Variants in ITPR1 observed in about 807,000 individuals in gnomAD.
ITPR1 encodes the protein inositol 1,4,5-trisphosphate receptor type 1.
Under a neutral mutation model 318.4 loss-of-function variants are expected in ITPR1, and 96 were observed. That is an observed-to-expected ratio of 0.30 (90% CI 0.26 to 0.36). The LOEUF (loss-of-function observed/expected upper bound fraction) is 0.36. Ranked by LOEUF, ITPR1 falls within the 10% of genes least tolerant of loss-of-function variation. ITPR1 has a pLI of 1.00. For missense variants in ITPR1, 2,440 were observed against 3,460.2 expected (o/e 0.71, Z 7.40); for synonymous variants, 1,312 against 1,289.9 (o/e 1.02, Z -0.37).
At chr3:4,749,255 T>C (rs907298646) in intron 44 of ITPR1, 7 of 152,242 alleles carry the variant, frequency 4.6e-5, no homozygotes, top group African/African-American at 1.7e-4. Flanking sequence ...AAATAGCTAA[T>C]ACATGGCACC....
intron 54 of ITPR1, among the ~76,000 whole-genome samples, chr3:4,802,698 G>A (rs1448796554): frequency 6.6e-6 from 1 of 152,040 alleles, no homozygotes; most frequent in Non-Finnish European, 1.5e-5. Context: ...GCATAGTAAT[G>A]CATGCTTGTA....
intron 60 of ITPR1, among the ~76,000 whole-genome samples, chr3:4,833,940 G>T (rs368612364): frequency 6.6e-6 from 1 of 152,202 alleles, no homozygotes; most frequent in Non-Finnish European, 1.5e-5. Flanking sequence ...CACCCAGGCT[G>T]TAGTGCGGTG....
chr3:4,675,207 G>T lies in ITPR1; in HGVS notation c.2738G>T (p.Gly913Val). The change falls in exon 23 of 62, where the codon GGA becomes GTA. Residue 913 changes from glycine to valine, a missense_variant. By Grantham distance (109) the Gly-to-Val change is moderately radical. Transcript: ENST00000649015. ...TIFPISKMAKGEENKGNNDVE... is the reference protein window; with the variant it reads ...TIFPISKMAKVEENKGNNDVE... ...TTCCCCATTAGCAAGATGGCGAAAG[G>T]AGAAGAGAATAAAGGTAACAATGAT... The T allele has an allele frequency of 6.2e-7, 1 of 1,612,816 alleles. No homozygotes were observed. The highest frequency in any genetic ancestry group is 8.5e-7 in the Non-Finnish European group (1 of 1,179,524).
At chr3:4,754,053 G>GC (rs1010206324) in intron 44 of ITPR1, among the ~76,000 whole-genome samples, 6 of 146,562 alleles carry the variant, frequency 4.1e-5, no homozygotes, top group Admixed American at 1.4e-4. Context: ...GAAAATGGGG[G>GC]GGGGGTGGCA....
chr3:4,787,432 C>A (rs929236401), intron 51 of ITPR1, among the ~76,000 whole-genome samples: 4 of 150,446 alleles, frequency 2.7e-5, no homozygotes, highest in African/African-American at 2.4e-5. Context: ...CAGTGGCTCA[C>A]GCCTGTAATC....
At chr3:4,657,023 C>T (rs965531611) in intron 12 of ITPR1, among the ~76,000 whole-genome samples, 8 of 152,290 alleles carry the variant, frequency 5.3e-5, no homozygotes, top group African/African-American at 1.9e-4. Flanking sequence ...GGAAAGTTTT[C>T]ATCATTGTTC....
chr3:4,675,131 T>C lies in ITPR1; in HGVS notation c.2662T>C (p.Leu888=). The C allele has an allele frequency of 6.2e-7, 1 of 1,608,432 alleles. No homozygotes were observed. The highest frequency in any genetic ancestry group is 1.1e-5 in the South Asian group (1 of 90,844). The change falls in exon 23 of 62, where the codon TTA becomes CTA. Residue 888 remains leucine (L), a synonymous_variant. Transcript: ENST00000649015. ...GFYNFSDLLR[L]TKILLAILDC... Reference sequence around the variant, plus strand: ...CTACAACTTCTCTGACCTTCTACGATTAACTAAGATCCTTCTGGCCATATT... The same window carrying C: ...CTACAACTTCTCTGACCTTCTACGACTAACTAAGATCCTTCTGGCCATATT...
At chr3:4,543,630 A>G (rs543066554) in intron 4 of ITPR1, among the ~76,000 whole-genome samples, 6 of 152,230 alleles carry the variant, frequency 3.9e-5, no homozygotes, top group African/African-American at 1.4e-4. Flanking sequence ...TTTAGTAGAG[A>G]TGGGGTTTCA....
rs1209810557 is a variant in ITPR1, at chr3:4,499,685, G to A, written c.-17+5179G>A. On this transcript the variant is annotated intron_variant, in intron 2 of 61. Transcript: ENST00000649015. Reference sequence around the variant, plus strand: ...TTATCGAAGAAACTGGGTGATACACGTCTCCACAGTTTAGACTTTGCTGAC... The same window carrying A: ...TTATCGAAGAAACTGGGTGATACACATCTCCACAGTTTAGACTTTGCTGAC... Among the ~76,000 whole-genome samples, 6 of 152,006 alleles carry A rather than the reference G, an allele frequency of 3.9e-5. No individual in the cohort carries two copies. The South Asian group carries it at 6.2e-4, about 16-fold the overall frequency.
At chr3:4,667,952 A>G (rs1381291586) in intron 18 of ITPR1, among the ~76,000 whole-genome samples, 2 of 152,162 alleles carry the variant, frequency 1.3e-5, no homozygotes, top group Non-Finnish European at 2.9e-5. Flanking sequence ...GGTACGTAGT[A>G]GGTGTATATA....
intron 4 of ITPR1, among the ~76,000 whole-genome samples, chr3:4,593,145 G>A (rs2090520992): frequency 6.6e-6 from 1 of 152,228 alleles, no homozygotes; most frequent in African/African-American, 2.4e-5. Context: ...ACAACACGAT[G>A]CGGTGTGGGG....
Position 4,805,997 on chromosome 3 carries a change from G to T in ITPR1, c.7108-106G>T, listed in dbSNP as rs551758308. ...GCACCGGGTGGAAAAGGAAGCGTTTGTTTGGGCACGGTGACTGAAATACAT... is the reference window on the plus strand; with the variant it reads ...GCACCGGGTGGAAAAGGAAGCGTTTTTTTGGGCACGGTGACTGAAATACAT... On this transcript the variant is annotated intron_variant, in intron 54 of 61. Transcript: ENST00000649015. The T allele has an allele frequency of 1.9e-5, 19 of 984,436 alleles. No homozygotes were observed. The African/African-American group carries it at 2.3e-4, about 12-fold the overall frequency. 61.0% of individuals were successfully genotyped at this position (984,436 alleles called of 1,614,324 possible). A position where few individuals can be genotyped will look rare whatever the true frequency, so the allele number is the denominator to read the frequency against.
chr3:4,727,995 C>G (rs1398368089), intron 42 of ITPR1, among the ~76,000 whole-genome samples: 1 of 152,286 alleles, frequency 6.6e-6, no homozygotes, highest in Non-Finnish European at 1.5e-5. Flanking sequence ...CTTTTGTACC[C>G]TGTTTTGTCA....
At chr3:4,645,152 C>T (rs1404312605) in intron 8 of ITPR1, among the ~76,000 whole-genome samples, 1 of 152,178 alleles carries the variant, frequency 6.6e-6, no homozygotes, top group African/African-American at 2.4e-5. Context: ...AGGCTTGGTT[C>T]CATTAGTCAT....
intron 4 of ITPR1, among the ~76,000 whole-genome samples, chr3:4,527,839 C>G (rs2083104334): frequency 6.6e-6 from 1 of 152,106 alleles, no homozygotes; most frequent in Non-Finnish European, 1.5e-5. Flanking sequence ...AGAGTGCTGG[C>G]ACCATGTTAG....
intron 34 of ITPR1, 66 bp downstream of exon 34, chr3:4,697,338 G>GTGTGTT: frequency 7.1e-7 from 1 of 1,412,722 alleles, no homozygotes; most frequent in Non-Finnish European, 9.6e-7. Context: ...GTGTGTGTGT[G>GTGTGTT]TGTGTGTGTG....
chr3:4,699,169 C>T (rs941153001), intron 34 of ITPR1, among the ~76,000 whole-genome samples: 7 of 148,010 alleles, frequency 4.7e-5, no homozygotes, highest in Admixed American at 2.0e-4. Flanking sequence ...GCCAATGTGG[C>T]GAAACCCCAT....
rs1232563785 is a variant in ITPR1 at position 4,717,293 on chromosome 3, T to G, written c.5104-74T>G. 5 of 1,242,656 alleles carry G rather than the reference T, an allele frequency of 4.0e-6. No individual in the cohort carries two copies. In the Admixed American group the frequency reaches 6.8e-5, roughly 17 times the overall value. 77.0% of individuals were successfully genotyped at this position (1,242,656 alleles called of 1,614,324 possible). On this transcript the variant is annotated intron_variant, in intron 39 of 61. Transcript: ENST00000649015. ...AGAAACGTCAGCAATAAGAGTAAAG[T>G]CTATAAACTTGGCTGGCTTGTATTT...
At chr3:4,630,260 A>G (rs140386785) in intron 5 of ITPR1, among the ~76,000 whole-genome samples, 216 of 152,234 alleles carry the variant, frequency 1.4e-3, no homozygotes, top group African/African-American at 5.1e-3. Flanking sequence ...GGTATATGGT[A>G]TTGGCAGTGT....
Sources: allele counts gnomAD v4.1 joint callset (sites outside exome capture counted in the v4.1 genomes callset), GRCh38; gene constraint gnomAD v4.1.1; transcripts MANE v1.5; gene names NCBI Gene and HGNC (gene_info 2026-07-23, HGNC 2026-07-21).